Variants in DCUN1D1 observed in about 807,000 individuals in gnomAD.
DCUN1D1 encodes defective in cullin neddylation 1 domain containing 1.
Under a neutral mutation model 39.0 loss-of-function variants are expected in DCUN1D1, and 3 were observed. The observed-to-expected ratio is 0.08, with a 90% confidence interval of 0.04 to 0.20. The LOEUF is 0.20. DCUN1D1 is among the 10% of genes least tolerant of loss of function. DCUN1D1 has a pLI of 1.00. For missense variants in DCUN1D1, 158 were observed against 302.4 expected, an observed-to-expected ratio of 0.52 and a Z score of 3.54; for synonymous variants, 82 against 96.3, an observed-to-expected ratio of 0.85 and a Z score of 0.87.
rs761447938 is a variant in DCUN1D1 at position 182,965,780 on chromosome 3, ACT to A, written c.4-29_4-28del. 4.0e-6 allele frequency: 6 copies of A among 1,492,914 alleles called. No individual in the cohort carries two copies. The African/African-American group carries it at 8.3e-5, about 21-fold the overall frequency. 92.5% of individuals were successfully genotyped at this position (1,492,914 alleles called of 1,614,324 possible). On this transcript the variant is annotated intron_variant, in intron 1 of 6. Coordinates refer to ENST00000292782, the MANE Select transcript of DCUN1D1 (RefSeq NM_020640.4). The stretch of plus-strand genomic sequence containing the variant: ...TATTGAAACCAGAAAATAAACTGAA[ACT>A]CTATGTAAAATCACATAAGACTAAA...
In DCUN1D1 at chr3:182,980,479, T is replaced by C; in HGVS notation, c.3+8A>G. 2 of 1,208,388 alleles carry C rather than the reference T, an allele frequency of 1.7e-6. No homozygotes were observed. Among genetic ancestry groups the C allele is most frequent in the Non-Finnish European group, 2.1e-6 (2 of 955,302 alleles). 74.9% of individuals were successfully genotyped at this position (1,208,388 alleles called of 1,614,324 possible). ...CGGCAGGGCGGGCGGGCGGCCGCAG[T>C]GCCTCACCATGTTGGTGTCCTCCAG... On this transcript the variant is annotated splice_region_variant and intron_variant, in intron 1 of 6. Transcript: ENST00000292782.
chr3:182,973,530 C>T (rs1728056196), intron 1 of DCUN1D1, among the ~76,000 whole-genome samples: 3 of 152,076 alleles, frequency 2.0e-5, no homozygotes, highest in Admixed American at 1.3e-4. Flanking sequence ...CAGAAGTGGC[C>T]GGGCGCAGTG....
chr3:182,961,460 T>C, intron 3 of DCUN1D1, 104 bp from the exon 4 acceptor site: 1 of 1,078,306 alleles, frequency 9.3e-7, no homozygotes, highest in Admixed American at 2.5e-5. Context: ...AACTACTTTT[T>C]TAAAAATCAA....
At chr3:182,953,911 T>C (rs533746116) in intron 4 of DCUN1D1, among the ~76,000 whole-genome samples, 2 of 152,260 alleles carry the variant, frequency 1.3e-5, no homozygotes, top group South Asian at 4.1e-4. Context: ...TCAACAAGAA[T>C]AATGTGGTAT....
rs1577193195 is a variant in DCUN1D1, at chr3:182,970,413, A to C, written c.4-4660T>G. ...TGGAAAATGACTTTCTAGTCAACTA[A>C]GTCCTAACAATTGCAAAATAGAAGT... On this transcript the variant is annotated intron_variant, in intron 1 of 6. Transcript: ENST00000292782. 2.6e-5 allele frequency among the ~76,000 whole-genome samples: 4 copies of C among 152,240 alleles called. No homozygotes were observed. The South Asian group carries it at 6.2e-4, about 24-fold the overall frequency.
chr3:182,969,257 AG>A (rs1727818936), intron 1 of DCUN1D1, among the ~76,000 whole-genome samples: 2 of 152,242 alleles, frequency 1.3e-5, no homozygotes, highest in Admixed American at 1.3e-4. Flanking sequence ...TGACCAATTT[AG>A]GGGAGCTGTA....
In DCUN1D1 at chr3:182,980,500, TC is replaced by T; in HGVS notation, c.-12del. 3 of 1,240,214 alleles carry T rather than the reference TC, an allele frequency of 2.4e-6. No individual in the cohort carries two copies. The highest frequency in any genetic ancestry group is 1.8e-5 in the South Asian group (1 of 54,574). The allele number at this position is 1,240,214 out of a possible 1,614,324, so 76.8% of individuals were successfully genotyped here. ...GCAGTGCCTCACCATGTTGGTGTCCTCCAGGCCTCTCCCCTCCTCCTCCGGC... is the reference window on the plus strand; with the variant it reads ...GCAGTGCCTCACCATGTTGGTGTCCTCAGGCCTCTCCCCTCCTCCTCCGGC... On this transcript the variant is annotated 5_prime_UTR_variant, in exon 1 of 7. Transcript: ENST00000292782.
chr3:182,947,494 T>C, intron 5 of DCUN1D1, 56 bp downstream of exon 5: 3 of 1,207,224 alleles, frequency 2.5e-6, no homozygotes, highest in South Asian at 2.6e-5. Flanking sequence ...TTAATTTATC[T>C]TTAAACATAG....
chr3:182,970,991 T>C (rs186967398), intron 1 of DCUN1D1, among the ~76,000 whole-genome samples: 16 of 152,304 alleles, frequency 1.1e-4, no homozygotes, highest in African/African-American at 2.9e-4. Context: ...AAAGTCAGAA[T>C]AGGAATCTAG....
intron 1 of DCUN1D1, among the ~76,000 whole-genome samples, chr3:182,976,497 C>A: frequency 6.7e-6 from 1 of 148,884 alleles, no homozygotes; most frequent in African/African-American, 2.5e-5. Flanking sequence ...ACTGCTCCAG[C>A]CACATTGGTC....
intron 4 of DCUN1D1, among the ~76,000 whole-genome samples, chr3:182,949,346 G>A (rs769835712): frequency 2.0e-4 from 31 of 151,884 alleles, no homozygotes; most frequent in Admixed American, 5.2e-4. Context: ...CTGGGCAACA[G>A]AACAAGACTC....
intron 1 of DCUN1D1, among the ~76,000 whole-genome samples, chr3:182,971,605 A>G (rs1306714033): frequency 6.6e-6 from 1 of 151,248 alleles, no homozygotes; most frequent in Admixed American, 6.6e-5. Context: ...AAAACTCCAG[A>G]AAAAAAAATT....
intron 1 of DCUN1D1, among the ~76,000 whole-genome samples, chr3:182,970,846 ATCAC>A (rs1560178769): frequency 6.6e-6 from 1 of 152,182 alleles, no homozygotes; most frequent in East Asian, 1.9e-4. Flanking sequence ...AATATCCAAA[ATCAC>A]TCACTCACAA....
intron 4 of DCUN1D1, among the ~76,000 whole-genome samples, chr3:182,951,153 C>A (rs1577163993): frequency 6.6e-6 from 1 of 151,574 alleles, no homozygotes; most frequent in East Asian, 1.9e-4. Flanking sequence ...ACTCAACATA[C>A]AATTGTCTGG....
At chr3:182,979,491 A>C (rs1728405844) in intron 1 of DCUN1D1, among the ~76,000 whole-genome samples, 1 of 152,116 alleles carries the variant, frequency 6.6e-6, no homozygotes, top group Non-Finnish European at 1.5e-5. Flanking sequence ...AGACTGTACA[A>C]TGCCAAACAG....
In DCUN1D1 at chr3:182,941,517, A is replaced by C. The variant is rs1560155457; in HGVS notation, c.*3577T>G. 6.6e-6 allele frequency: 1 copy of C among 152,112 alleles called. No homozygotes were observed. The highest frequency in any genetic ancestry group is 2.4e-5 in the African/African-American group (1 of 41,452). 9.4% of individuals were successfully genotyped at this position (152,112 alleles called of 1,614,324 possible). On this transcript the variant is annotated 3_prime_UTR_variant, in exon 7 of 7. Coordinates refer to ENST00000292782, the MANE Select transcript of DCUN1D1 (RefSeq NM_020640.4). Reference sequence around the variant, plus strand: ...AATTATCACATTATGTAGAAATCACAATTCAGGTTTTGTGTCCCCATTTAT... The same window carrying C: ...AATTATCACATTATGTAGAAATCACCATTCAGGTTTTGTGTCCCCATTTAT...
chr3:182,945,800 T>C (rs1377253794), intron 6 of DCUN1D1, among the ~76,000 whole-genome samples: 1 of 152,214 alleles, frequency 6.6e-6, no homozygotes, highest in Non-Finnish European at 1.5e-5. Flanking sequence ...ATTGCATATA[T>C]GCATGCCTCT....
At chr3:182,946,250 G>A (rs1319254337) in intron 6 of DCUN1D1, among the ~76,000 whole-genome samples, 3 of 152,030 alleles carry the variant, frequency 2.0e-5, no homozygotes, top group Non-Finnish European at 2.9e-5. Flanking sequence ...ATATTAGGCG[G>A]CTGAAGTAAG....
Position 182,938,944 on chromosome 3 carries a change from C to T in DCUN1D1, c.*6150G>A, listed in dbSNP as rs1425212244. ...GCCAAAGCACCAGCCATCAGCACCA[C>T]TCTTCGCTGACACATTTCTTCTCAC... is the stretch of plus-strand genomic sequence containing the variant. On this transcript the variant is annotated 3_prime_UTR_variant, in exon 7 of 7. Coordinates refer to ENST00000292782, the MANE Select transcript of DCUN1D1 (RefSeq NM_020640.4). The T allele has an allele frequency of 6.6e-6, 1 of 152,556 alleles. No individual in the cohort carries two copies. The highest frequency in any genetic ancestry group is 1.5e-5 in the Non-Finnish European group (1 of 68,114). The allele number at this position is 152,556 out of a possible 1,614,324, so 9.5% of individuals were successfully genotyped here.
Sources: gnomAD v4.1 joint callset for allele counts (sites outside exome capture counted in the v4.1 genomes callset) on GRCh38, gnomAD v4.1.1 for gene constraint, MANE v1.5 for transcripts, NCBI Gene and HGNC (gene_info 2026-07-23, HGNC 2026-07-21) for gene names.